Variants in PCNX1 observed in about 807,000 individuals in gnomAD.
The protein encoded by PCNX1 is pecanex-like protein 1.
Under a neutral mutation model 242.2 loss-of-function variants are expected in PCNX1, and 78 were observed. That is an observed-to-expected ratio of 0.32 (90% CI 0.27 to 0.39). The LOEUF (loss-of-function observed/expected upper bound fraction) is 0.39, where lower values mean the gene tolerates loss of function less well. Among genes scored for constraint, PCNX1 ranks in the 10% least tolerant of loss-of-function variants. PCNX1 has a pLI of 1.00. For missense variants in PCNX1, 2,581 were observed against 2,856.5 expected (o/e 0.90, Z 2.20); for synonymous variants, 1,024 against 1,032.9 (o/e 0.99, Z 0.17).
chr14:71,058,208 G>T (rs569998065), intron 26 of PCNX1, among the ~76,000 whole-genome samples: 1 of 152,114 alleles, frequency 6.6e-6, no homozygotes, highest in Non-Finnish European at 1.5e-5. Flanking sequence ...AATCACAGGA[G>T]CGTTTAGTAC....
chr14:70,996,817 G>C (rs2059366974), intron 8 of PCNX1, among the ~76,000 whole-genome samples: 1 of 152,058 alleles, frequency 6.6e-6, no homozygotes, highest in Admixed American at 6.5e-5. Flanking sequence ...TCAACTGGAA[G>C]GATATGAGGT....
intron 19 of PCNX1, among the ~76,000 whole-genome samples, chr14:71,042,482 C>T (rs1232299477): frequency 6.6e-6 from 1 of 151,922 alleles, no homozygotes; most frequent in Non-Finnish European, 1.5e-5. Flanking sequence ...ACAAGTATAG[C>T]TCCGCCAGCA....
chr14:70,952,353 GAAATA>G (rs1323995603), intron 2 of PCNX1, among the ~76,000 whole-genome samples: 2 of 152,156 alleles, frequency 1.3e-5, no homozygotes, highest in East Asian at 3.9e-4. Flanking sequence ...CACAGCTTAA[GAAATA>G]AAACATTATA....
At position 71,028,781 on chromosome 14, in the gene PCNX1, G is replaced by A. The variant is rs1417773133; in HGVS notation, c.3548G>A (p.Gly1183Glu). 6.3e-7 allele frequency: 1 copy of A among 1,576,536 alleles called. No homozygotes were observed. The highest frequency in any genetic ancestry group is 8.7e-7 in the Non-Finnish European group (1 of 1,153,326). ...AVALLYGLCYGALKDSWDGQH... is the reference protein window; with the variant it reads ...AVALLYGLCYEALKDSWDGQH... Reference sequence around the variant, plus strand: ...GCCTTATTGTATGGATTATGTTATGGGGCTTTAAAGGTGAGCAATAAATTA... The same window carrying A: ...GCCTTATTGTATGGATTATGTTATGAGGCTTTAAAGGTGAGCAATAAATTA... Residue 1183 changes from glycine (G) to glutamate (E), a missense_variant, in exon 16 of 36, where the codon GGG (glycine) becomes GAG (glutamate). Coordinates refer to ENST00000304743, the MANE Select transcript of PCNX1 (RefSeq NM_014982.3).
chr14:71,004,475 A>G (rs1210744471), intron 8 of PCNX1, among the ~76,000 whole-genome samples: 1 of 152,244 alleles, frequency 6.6e-6, no homozygotes, highest in Non-Finnish European at 1.5e-5. Context: ...TGCACATGCA[A>G]GGGATCTAGG....
chr14:71,077,316 C>T (rs1175694258), intron 28 of PCNX1, among the ~76,000 whole-genome samples: 1 of 152,192 alleles, frequency 6.6e-6, no homozygotes, highest in Non-Finnish European at 1.5e-5. Context: ...ACCACCACTG[C>T]TGCTTTTTAA....
chr14:71,082,700 G>A (rs926717772), intron 28 of PCNX1, among the ~76,000 whole-genome samples: 15 of 151,774 alleles, frequency 9.9e-5, no homozygotes, highest in African/African-American at 3.4e-4. Flanking sequence ...CCATTCACTT[G>A]GTAAATATTC....
In PCNX1 at chr14:71,107,937, C is replaced by T. The variant is rs114492393; in HGVS notation, c.6302-667C>T. Among the ~76,000 whole-genome samples, 1,307 of 152,334 alleles carry T rather than the reference C, an allele frequency of 8.6e-3. 8 individuals are homozygous for T. The highest frequency in any genetic ancestry group is 0.017 in the South Asian group (82 of 4,832). On this transcript the variant is annotated intron_variant, in intron 33 of 35. Coordinates refer to ENST00000304743, the MANE Select transcript of PCNX1 (RefSeq NM_014982.3). ...AAATTAAGCTAGTTAACCTATCCAT[C>T]ACCTCATATACTTCTTTGTGATAAG...
At chr14:71,056,981 A>G (rs941465905) in intron 25 of PCNX1, among the ~76,000 whole-genome samples, 1 of 152,008 alleles carries the variant, frequency 6.6e-6, no homozygotes, top group African/African-American at 2.4e-5. Context: ...GCCTATCTTA[A>G]TGTCTTTTTT....
At chr14:71,033,624 C>A in intron 17 of PCNX1, 86 bp downstream of exon 17, 1 of 735,662 alleles carries the variant, frequency 1.4e-6, no homozygotes, top group South Asian at 1.7e-5. Context: ...CTCTTTTTCC[C>A]AATGCCTTTC....
intron 23 of PCNX1, among the ~76,000 whole-genome samples, chr14:71,051,448 A>G (rs1162114211): frequency 6.6e-6 from 1 of 152,168 alleles, no homozygotes; most frequent in Non-Finnish European, 1.5e-5. Flanking sequence ...TATGAAATTG[A>G]TAGAATTAAA....
Position 71,110,323 on chromosome 14 carries a change from C to CAT in PCNX1, c.*390_*391dup, listed in dbSNP as rs2062731160. Reference sequence around the variant, plus strand: ...GCCAAAAATAATTGCCATGTTTTGTCATAGAACATGAAATTCATTTACCTT... The same window carrying CAT: ...GCCAAAAATAATTGCCATGTTTTGTCATATAGAACATGAAATTCATTTACCTT... On this transcript the variant is annotated 3_prime_UTR_variant, in exon 36 of 36. Coordinates refer to ENST00000304743, the MANE Select transcript of PCNX1 (RefSeq NM_014982.3). The CAT allele has an allele frequency of 3.2e-6, 1 of 311,914 alleles. No homozygotes were observed. Among genetic ancestry groups the CAT allele is most frequent in the South Asian group, 2.8e-5 (1 of 35,598 alleles). The allele number at this position is 311,914 out of a possible 1,614,324, so 19.3% of individuals were successfully genotyped here.
chr14:70,914,255 A>AGTG, intron 1 of PCNX1, among the ~76,000 whole-genome samples: 1 of 152,202 alleles, frequency 6.6e-6, no homozygotes, highest in Non-Finnish European at 1.5e-5. Context: ...GGGTGACAGG[A>AGTG]TCATTAGAAG....
intron 1 of PCNX1, among the ~76,000 whole-genome samples, chr14:70,923,702 G>A (rs1411900449): frequency 1.3e-5 from 2 of 151,926 alleles, no homozygotes; most frequent in South Asian, 2.1e-4. Flanking sequence ...TCTGTCCATC[G>A]GTAGCTAAGG....
chr14:70,941,894 G>C (rs979408931), intron 1 of PCNX1, among the ~76,000 whole-genome samples: 1 of 152,226 alleles, frequency 6.6e-6, no homozygotes, highest in African/African-American at 2.4e-5. Context: ...TGTGCTAGGA[G>C]TGAGCGAGGC....
Position 70,978,666 on chromosome 14 carries a change from A to C in PCNX1, c.2311+18A>C. ...CAGTGGAGGTAAGTAAACTGTAAGA[A>C]GAGATTTCTGTAAGACTCACTGCTT... On this transcript the variant is annotated intron_variant, in intron 6 of 35. Coordinates refer to ENST00000304743, the MANE Select transcript of PCNX1 (RefSeq NM_014982.3). 6.3e-7 allele frequency: 1 copy of C among 1,585,340 alleles called. No homozygotes were observed. Among genetic ancestry groups the C allele is most frequent in the South Asian group, 1.2e-5 (1 of 85,978 alleles).
At chr14:70,922,770 T>G (rs528590208) in intron 1 of PCNX1, among the ~76,000 whole-genome samples, 8 of 151,884 alleles carry the variant, frequency 5.3e-5, no homozygotes, top group Non-Finnish European at 1.2e-4. Context: ...TTTTTTTTTT[T>G]TTTTTGCTAG....
rs189817223 is a variant in PCNX1, at chr14:70,909,189, T to C, written c.153+1186T>C. 9.9e-5 allele frequency among the ~76,000 whole-genome samples: 15 copies of C among 152,274 alleles called. No individual in the cohort carries two copies. In the East Asian group the frequency reaches 2.1e-3, roughly 22 times the overall value. On this transcript the variant is annotated intron_variant, in intron 1 of 35. Transcript: ENST00000304743. ...ACTAATTGGCAGGAAAAGTGTCTGCTTGAGGGAAGATGTGCACATTCTCAA... is the reference window on the plus strand; with the variant it reads ...ACTAATTGGCAGGAAAAGTGTCTGCCTGAGGGAAGATGTGCACATTCTCAA...
chr14:70,949,031 T>C (rs2057605898), intron 2 of PCNX1, among the ~76,000 whole-genome samples: 1 of 149,112 alleles, frequency 6.7e-6, no homozygotes, highest in South Asian at 2.1e-4. Flanking sequence ...AATGTGTGTG[T>C]ATATATACAC....
Sources: allele counts gnomAD v4.1 joint callset (sites outside exome capture counted in the v4.1 genomes callset), GRCh38; gene constraint gnomAD v4.1.1; transcripts MANE v1.5; gene names NCBI Gene and HGNC (gene_info 2026-07-23, HGNC 2026-07-21).